Variants in CMPK2 observed in about 807,000 individuals in gnomAD.
The protein encoded by CMPK2 is UMP-CMP kinase 2, mitochondrial.
CMPK2 carries 32 observed loss-of-function variants against 33.4 expected under a neutral mutation model. The observed-to-expected ratio is 0.96, with a 90% CI of 0.72 to 1.29. The LOEUF (loss-of-function observed/expected upper bound fraction) is 1.29, where lower values mean the gene tolerates loss of function less well. Among genes scored for constraint, CMPK2 ranks in the 50% most tolerant of loss-of-function variants. CMPK2 has a pLI of 0.00. For synonymous variants in CMPK2, 299 were observed against 275.3 expected (o/e 1.09, Z -0.85); for missense variants, 672 against 616.0 (o/e 1.09, Z -0.96).
At chr2:6,866,092 T>A, upstream of CMPK2, 1 of 248,192 alleles carries the variant, frequency 4.0e-6, no homozygotes, top group Non-Finnish European at 8.0e-6. Context: ...CCGACCCTGG[T>A]TTGAGTTCCT....
chr2:6,863,298 G>A (rs1291295505), intron 2 of CMPK2, among the ~76,000 whole-genome samples, 166 bp downstream of exon 2: 1 of 152,150 alleles, frequency 6.6e-6, no homozygotes, highest in Non-Finnish European at 1.5e-5. Context: ...CATATTGAAG[G>A]TCTTATTCAT....
upstream of CMPK2, chr2:6,865,942 T>G: frequency 7.5e-7 from 1 of 1,327,388 alleles, no homozygotes; most frequent in Non-Finnish European, 9.8e-7. Context: ...GAGCAGACGC[T>G]TGGCCCCGGG....
At chr2:6,857,787 C>T (rs2103224203) in intron 3 of CMPK2, among the ~76,000 whole-genome samples, 1 of 152,022 alleles carries the variant, frequency 6.6e-6, no homozygotes, top group Middle Eastern at 3.4e-3. Flanking sequence ...AAGTGCCCAC[C>T]ACCTCGCCCG....
Position 6,842,280 on chromosome 2 carries a change from C to G in CMPK2, c.993-1602G>C, listed in dbSNP as rs368523419. Among the ~76,000 whole-genome samples, 117 of 152,282 alleles carry G rather than the reference C, an allele frequency of 7.7e-4. No homozygotes were observed. The Middle Eastern group carries it at 0.031, about 40-fold the overall frequency. ...GTGGCTGAGTTCAGGAAAGGACAGGCCTTTAACTGAACTGCAGATCCCTCC... is the reference window on the plus strand; with the variant it reads ...GTGGCTGAGTTCAGGAAAGGACAGGGCTTTAACTGAACTGCAGATCCCTCC... On this transcript the variant is annotated intron_variant, in intron 3 of 3. Transcript: ENST00000458098.
At chr2:6,855,745 G>C (rs756684145) in intron 3 of CMPK2, among the ~76,000 whole-genome samples, 2 of 152,148 alleles carry the variant, frequency 1.3e-5, no homozygotes, top group Non-Finnish European at 2.9e-5. Context: ...TCACAGCCTA[G>C]ACTGCAGCCA....
chr2:6,842,511 T>G (rs1662258902), intron 3 of CMPK2, among the ~76,000 whole-genome samples: 1 of 152,212 alleles, frequency 6.6e-6, no homozygotes, highest in South Asian at 2.1e-4. Context: ...TCAAGTTCCT[T>G]GCTTAGGTTA....
chr2:6,847,977 C>A (rs188527230), downstream of CMPK2, among the ~76,000 whole-genome samples: 388 of 152,180 alleles, frequency 2.5e-3, 2 homozygotes, highest in African/African-American at 8.0e-3. Context: ...ATGAGCAGAG[C>A]CAAGCAAAGG....
Position 6,849,397 on chromosome 2 carries a change from T to C in CMPK2, c.*453A>G. On this transcript the variant is annotated 3_prime_UTR_variant, in exon 5 of 5. Transcript: ENST00000256722. ...GATGCAGCGAGCCCATCATGACGAG[T>C]GCAACCAGATGTGGAAGAAGCCAAT... The C allele has an allele frequency of 2.0e-6, 2 of 989,060 alleles. No individual in the cohort carries two copies. Among genetic ancestry groups the C allele is most frequent in the South Asian group, 9.2e-5 (2 of 21,644 alleles). 61.3% of individuals were successfully genotyped at this position (989,060 alleles called of 1,614,324 possible). A position where few individuals can be genotyped will look rare whatever the true frequency, so the allele number is the denominator to read the frequency against.
rs750033188 is a variant in CMPK2 at position 6,861,425 on chromosome 2, C to T, written c.791-40G>A. 7.0e-5 allele frequency: 106 copies of T among 1,505,942 alleles called. 1 individual carries two copies. Among genetic ancestry groups the T allele is most frequent in the East Asian group, 9.1e-5 (4 of 43,836 alleles). 93.3% of individuals were successfully genotyped at this position (1,505,942 alleles called of 1,614,324 possible). On this transcript the variant is annotated intron_variant, in intron 2 of 4. Transcript: ENST00000256722. ...CAAAATATATACATCTTAACCACAG[C>T]CCCAAAGTTAACATTGACGTAGAAA...
chr2:6,854,314 T>A (rs1662620389), intron 3 of CMPK2, among the ~76,000 whole-genome samples: 1 of 152,210 alleles, frequency 6.6e-6, no homozygotes, highest in Non-Finnish European at 1.5e-5. Flanking sequence ...TTAAAGGTAA[T>A]GGGGTGATTA....
chr2:6,861,039 A>G (rs564237689), intron 3 of CMPK2, 145 bp downstream of exon 3: 107 of 648,458 alleles, frequency 1.7e-4, no homozygotes, highest in African/African-American at 1.6e-3. Context: ...TATTATTATC[A>G]TAATAACAGT....
At chr2:6,850,194 TC>T (rs998899106) in intron 4 of CMPK2, among the ~76,000 whole-genome samples, 2 of 152,258 alleles carry the variant, frequency 1.3e-5, no homozygotes, top group African/African-American at 4.8e-5. Context: ...ATACCTGTTT[TC>T]TGCCAAGCAT....
chr2:6,853,853 G>A (rs967076380), intron 3 of CMPK2, among the ~76,000 whole-genome samples: 13 of 151,830 alleles, frequency 8.6e-5, no homozygotes, highest in Non-Finnish European at 8.8e-5. Flanking sequence ...AGTGAGCCGA[G>A]ATCGCGCCAC....
intron 2 of CMPK2, 53 bp downstream of exon 2, chr2:6,863,411 G>T: frequency 6.8e-7 from 1 of 1,470,182 alleles, no homozygotes; most frequent in Non-Finnish European, 9.5e-7. Context: ...TTCTGTTTCT[G>T]CAACTAATCA....
At chr2:6,843,606 C>A (rs6727045), downstream of CMPK2, among the ~76,000 whole-genome samples, 9,014 of 152,138 alleles carry the variant, frequency 0.059, 381 homozygotes, top group African/African-American at 0.12. Flanking sequence ...ATATTGATTT[C>A]TACTAAGGGG....
At chr2:6,859,029 T>C (rs1274975670) in intron 3 of CMPK2, among the ~76,000 whole-genome samples, 2 of 152,138 alleles carry the variant, frequency 1.3e-5, no homozygotes, top group African/African-American at 2.4e-5. Context: ...CAGATGGAAA[T>C]GAGGAACTTG....
downstream of CMPK2, among the ~76,000 whole-genome samples, chr2:6,845,431 G>T (rs1662334356): frequency 6.6e-6 from 1 of 152,090 alleles, no homozygotes. Flanking sequence ...GTTACCCAGG[G>T]TGGAGGGAAA....
chr2:6,863,590 C>A lies in CMPK2; in HGVS notation c.676-12G>T, dbSNP rs117967668. ...ATAAAGGAGGTACACTGTAAAACAACGTCTATCCATCAGCAATGAAGCCAG... is the reference window on the plus strand; with the variant it reads ...ATAAAGGAGGTACACTGTAAAACAAAGTCTATCCATCAGCAATGAAGCCAG... On this transcript the variant is annotated splice_polypyrimidine_tract_variant and intron_variant, in intron 1 of 4. Coordinates refer to ENST00000256722, the MANE Select transcript of CMPK2 (RefSeq NM_207315.4). The A allele has an allele frequency of 4.4e-6, 7 of 1,602,876 alleles. No individual in the cohort carries two copies. The South Asian group carries it at 6.6e-5, about 15-fold the overall frequency.
At chr2:6,864,468 C>G (rs1662985435) in intron 1 of CMPK2, 1 of 152,266 alleles carries the variant, frequency 6.6e-6, no homozygotes, top group Non-Finnish European at 1.5e-5. Context: ...AATTTTCAGT[C>G]TCTTTCTGTG....
Sources: gnomAD v4.1 joint callset for allele counts (sites outside exome capture counted in the v4.1 genomes callset) on GRCh38, gnomAD v4.1.1 for gene constraint, MANE v1.5 for transcripts, NCBI Gene and HGNC (gene_info 2026-07-23, HGNC 2026-07-21) for gene names.